The following EML5 variants were observed in gnomAD, a reference collection of about 807,000 sequenced individuals.
EML5 encodes the protein EMAP like 5, also known as echinoderm microtubule-associated protein-like 5.
Under a neutral mutation model 250.0 loss-of-function variants are expected in EML5, and 120 were observed. The ratio of observed to expected loss-of-function variants is 0.48; its 90% CI spans 0.41 to 0.56. EML5 has a LOEUF of 0.56. Among genes scored for constraint, EML5 ranks in the 20% least tolerant of loss-of-function variants. EML5 has a pLI of 0.00. For synonymous variants in EML5, 771 were observed against 806.5 expected (o/e 0.96, Z 0.75); for missense variants, 2,006 against 2,437.6 (o/e 0.82, Z 3.73).
Position 88,792,532 on chromosome 14 carries a change from C to G in EML5, c.-29G>C. ...GGGGCGCCCACCCGCCGCTCCCGCTCGGGCCCGCGGCGGCGACGGGAGGCG... is the reference window on the plus strand; with the variant it reads ...GGGGCGCCCACCCGCCGCTCCCGCTGGGGCCCGCGGCGGCGACGGGAGGCG... On this transcript the variant is annotated 5_prime_UTR_variant, in exon 1 of 44. Coordinates refer to ENST00000554922, the MANE Select transcript of EML5 (RefSeq NM_183387.3). This position sits in a 1 kb window ranked among gnomAD's most constrained non-coding sequence, Gnocchi z 6.9. 2 of 1,258,546 alleles carry G rather than the reference C, an allele frequency of 1.6e-6. No individual in the cohort carries two copies. Among genetic ancestry groups the G allele is most frequent in the Non-Finnish European group, 2.0e-6 (2 of 997,932 alleles). The allele number at this position is 1,258,546 out of a possible 1,614,324, so 78.0% of individuals were successfully genotyped here.
chr14:88,710,925 C>G (rs748752875), intron 10 of EML5, among the ~76,000 whole-genome samples: 5 of 152,138 alleles, frequency 3.3e-5, no homozygotes, highest in Non-Finnish European at 7.4e-5. Context: ...ATCGACTTCT[C>G]TCTTGCAAAT....
intron 1 of EML5, among the ~76,000 whole-genome samples, chr14:88,762,808 A>G (rs1325156851): frequency 6.6e-6 from 1 of 152,200 alleles, no homozygotes; most frequent in Non-Finnish European, 1.5e-5. Flanking sequence ...CATAACAAAC[A>G]GTCTCTCAGA....
intron 20 of EML5, 38 bp from the exon 21 acceptor site, chr14:88,682,069 G>A (rs1237721767): frequency 6.6e-7 from 1 of 1,509,884 alleles, no homozygotes. Flanking sequence ...GTGTATGTGT[G>A]TGTATATTTA....
At chr14:88,651,525 TACCA>T (rs1006245595) in intron 27 of EML5, among the ~76,000 whole-genome samples, 3 of 152,086 alleles carry the variant, frequency 2.0e-5, no homozygotes, top group African/African-American at 7.2e-5. Flanking sequence ...TTTTCTGACA[TACCA>T]AATTTATCCA....
At chr14:88,686,629 T>C (rs940252324) in intron 19 of EML5, among the ~76,000 whole-genome samples, 7 of 151,910 alleles carry the variant, frequency 4.6e-5, no homozygotes, top group African/African-American at 1.5e-4. Flanking sequence ...CTGGACAACA[T>C]AGAGGGACCC....
intron 14 of EML5, among the ~76,000 whole-genome samples, chr14:88,697,201 T>C (rs1437314593): frequency 6.6e-6 from 1 of 152,350 alleles, no homozygotes; most frequent in East Asian, 1.9e-4. Context: ...ATCATATATT[T>C]CATCAATAAA....
intron 1 of EML5, among the ~76,000 whole-genome samples, chr14:88,766,693 C>T (rs1035945519): frequency 6.6e-6 from 1 of 152,014 alleles, no homozygotes; most frequent in African/African-American, 2.4e-5. Flanking sequence ...TCTCTGTGAC[C>T]CACACCCTAT....
In EML5 at chr14:88,757,877, G is replaced by A. The variant is rs753850120; in HGVS notation, c.198-3206C>T. On this transcript the variant is annotated intron_variant, in intron 1 of 43. Coordinates refer to ENST00000554922, the MANE Select transcript of EML5 (RefSeq NM_183387.3). ...TTTCTATTTATTTATTTCAGACAGG[G>A]TCTCACTCTGTCACCCAGGCTGGAG... 1.1e-3 allele frequency among the ~76,000 whole-genome samples: 158 copies of A among 149,336 alleles called. 1 individual carries two copies. The highest frequency in any genetic ancestry group is 1.3e-3 in the Non-Finnish European group (89 of 67,568).
In EML5 at chr14:88,726,669, G is replaced by C; in HGVS notation, c.1059C>G (p.Ser353Arg). 1 of 1,548,132 alleles carries C rather than the reference G, an allele frequency of 6.5e-7. No homozygotes were observed. Among genetic ancestry groups the C allele is most frequent in the East Asian group, 2.4e-5 (1 of 41,102 alleles). The change falls in exon 8 of 44, where the codon AGC becomes AGG. Residue 353 changes from serine (S) to arginine (R), a missense_variant. Transcript: ENST00000554922. ...GSDDRSVRIW[S>R]LVDHALIARC... ...TTGCTATTAATGCATGATCTACTAG[G>C]CTCCATATCCTGTAAAATTTAATTT... is the stretch of plus-strand genomic sequence containing the variant.
At chr14:88,778,778 AAAAAC>A (rs201281131) in intron 1 of EML5, among the ~76,000 whole-genome samples, 7 of 152,306 alleles carry the variant, frequency 4.6e-5, no homozygotes, top group South Asian at 4.1e-4. Flanking sequence ...ACTCCATCTC[AAAAAC>A]AAAACAAAAC....
chr14:88,619,854 G>A (rs2088565401), intron 39 of EML5: 1 of 152,116 alleles, frequency 6.6e-6, no homozygotes, highest in Non-Finnish European at 1.5e-5. Context: ...TAGTTGAGAT[G>A]GGGTTTCACT....
intron 32 of EML5, among the ~76,000 whole-genome samples, chr14:88,637,075 T>C (rs1239983366): frequency 6.6e-6 from 1 of 152,224 alleles, no homozygotes; most frequent in Non-Finnish European, 1.5e-5. Context: ...AAATGCTGTT[T>C]TGTGTTTTGT....
chr14:88,709,209 A>T (rs1210280766), intron 10 of EML5, among the ~76,000 whole-genome samples: 1 of 152,050 alleles, frequency 6.6e-6, no homozygotes, highest in Non-Finnish European at 1.5e-5. Flanking sequence ...AGAATTTCTT[A>T]ATATACAAAA....
chr14:88,662,887 C>A, intron 24 of EML5, 144 bp downstream of exon 24: 1 of 616,058 alleles, frequency 1.6e-6, no homozygotes, highest in Non-Finnish European at 2.7e-6. Context: ...CCCATGTATT[C>A]TGACTCAATA....
intron 2 of EML5, among the ~76,000 whole-genome samples, chr14:88,752,175 G>T (rs532962536): frequency 1.3e-5 from 2 of 152,194 alleles, no homozygotes; most frequent in South Asian, 4.2e-4. Context: ...ACTAGTAAAA[G>T]CTATGGGCAT....
At chr14:88,784,618 C>A (rs1027893210) in intron 1 of EML5, among the ~76,000 whole-genome samples, 1 of 152,008 alleles carries the variant, frequency 6.6e-6, no homozygotes, top group African/African-American at 2.4e-5. Flanking sequence ...AGACCAATAA[C>A]AAATAACAAG....
chr14:88,681,828 T>A, intron 21 of EML5, 62 bp downstream of exon 21: 1 of 1,495,114 alleles, frequency 6.7e-7, no homozygotes, highest in African/African-American at 1.4e-5. Context: ...TGCTTTCTTA[T>A]ATTTGTAAAG....
At chr14:88,633,337 C>T (rs1417181878) in intron 33 of EML5, among the ~76,000 whole-genome samples, 3 of 151,954 alleles carry the variant, frequency 2.0e-5, no homozygotes, top group Admixed American at 2.0e-4. Flanking sequence ...CCAGGCTGGA[C>T]TTGAACTCCT....
intron 1 of EML5, among the ~76,000 whole-genome samples, chr14:88,771,836 C>T (rs2094396281): frequency 6.6e-6 from 1 of 152,202 alleles, no homozygotes; most frequent in Non-Finnish European, 1.5e-5. Flanking sequence ...GCCCTTCCTT[C>T]TCTGTCTCCA....
Sources: gnomAD v4.1 joint callset for allele counts (sites outside exome capture counted in the v4.1 genomes callset) on GRCh38, gnomAD v4.1.1 for gene constraint, Gnocchi (gnomAD v3.1) non-coding constraint, MANE v1.5 for transcripts, NCBI Gene and HGNC (gene_info 2026-07-23, HGNC 2026-07-21) for gene names.